CLASP2: variants seen among roughly 807,000 people sequenced by gnomAD.
The protein encoded by CLASP2 is cytoplasmic linker associated protein 2.
Under a neutral mutation model 194.4 loss-of-function variants are expected in CLASP2, and 47 were observed. The ratio of observed to expected loss-of-function variants is 0.24; its 90% CI spans 0.19 to 0.31. CLASP2 has a LOEUF of 0.31. Ranked by LOEUF, CLASP2 falls within the 10% of genes least tolerant of loss-of-function variation. The probability of loss-of-function intolerance (pLI) is 1.00; values close to 1 mark genes in which losing one functional copy is unlikely to be tolerated. For missense variants in CLASP2, 1,445 were observed against 1,823.6 expected (o/e 0.79, Z 3.78); for synonymous variants, 619 against 633.5 (o/e 0.98, Z 0.34).
intron 12 of CLASP2, among the ~76,000 whole-genome samples, chr3:33,618,206 C>T (rs1053972730): frequency 6.6e-6 from 1 of 151,832 alleles, no homozygotes; most frequent in South Asian, 2.1e-4. Context: ...CCTTGGCCTC[C>T]CAAAGTGCTG....
At chr3:33,544,212 AACTT>A (rs1285184608) in intron 31 of CLASP2, among the ~76,000 whole-genome samples, 18 of 152,206 alleles carry the variant, frequency 1.2e-4, no homozygotes, top group Admixed American at 1.2e-3. Flanking sequence ...ATTTACTCAG[AACTT>A]ACTTCTTCAA....
chr3:33,572,970 T>C, intron 25 of CLASP2, 140 bp downstream of exon 25: 11 of 916,720 alleles, frequency 1.2e-5, no homozygotes, highest in Non-Finnish European at 1.8e-5. Context: ...ACTGAAGCTT[T>C]GGAAAAACAC....
intron 8 of CLASP2, among the ~76,000 whole-genome samples, chr3:33,635,988 G>C (rs539778986): frequency 6.6e-6 from 1 of 152,276 alleles, no homozygotes; most frequent in Admixed American, 6.5e-5. Context: ...AAAAAAATCA[G>C]AGGAAACTGT....
intron 31 of CLASP2, 37 bp from the exon 32 acceptor site, chr3:33,543,576 A>T (rs1459086025): frequency 1.5e-6 from 2 of 1,297,786 alleles, no homozygotes; most frequent in South Asian, 2.4e-5. Context: ...AACATATTAC[A>T]GGTAAGTTCA....
chr3:33,596,661 A>C, intron 19 of CLASP2, 50 bp downstream of exon 19: 2 of 1,318,154 alleles, frequency 1.5e-6, no homozygotes, highest in South Asian at 2.6e-5. Flanking sequence ...ATTATATAGA[A>C]TCCAGGTTCC....
chr3:33,545,936 C>T (rs1383732439), intron 30 of CLASP2, among the ~76,000 whole-genome samples: 1 of 151,392 alleles, frequency 6.6e-6, no homozygotes, highest in Non-Finnish European at 1.5e-5. Flanking sequence ...GTGTTATGAG[C>T]ACATTTTGTT....
chr3:33,555,256 C>A (rs1430590270), intron 29 of CLASP2, among the ~76,000 whole-genome samples: 3 of 151,634 alleles, frequency 2.0e-5, no homozygotes, highest in Admixed American at 6.6e-5. Flanking sequence ...TGCAAAAAAA[C>A]AAAAGTTGAC....
At chr3:33,660,042 C>G (rs766804584) in intron 7 of CLASP2, among the ~76,000 whole-genome samples, 1 of 152,200 alleles carries the variant, frequency 6.6e-6, no homozygotes, top group Non-Finnish European at 1.5e-5. Flanking sequence ...AAATACTTTA[C>G]TAATGATTGC....
intron 9 of CLASP2, chr3:33,627,331 A>G (rs2078234290): frequency 7.1e-6 from 3 of 420,814 alleles, no homozygotes; most frequent in Non-Finnish European, 1.3e-5. Flanking sequence ...AATGCTTTGT[A>G]ATTTTAAAAA....
chr3:33,636,842 C>A (rs2080237179), intron 8 of CLASP2, among the ~76,000 whole-genome samples: 1 of 152,324 alleles, frequency 6.6e-6, no homozygotes, highest in East Asian at 1.9e-4. Context: ...CTCAAGTGAT[C>A]CACCCACCTT....
chr3:33,669,687 C>T (rs1438679454), intron 6 of CLASP2, among the ~76,000 whole-genome samples: 1 of 151,878 alleles, frequency 6.6e-6, no homozygotes. Context: ...TATTTGTAAT[C>T]AGAAAAATGC....
At chr3:33,507,608 A>G (rs1049539317) in intron 37 of CLASP2, among the ~76,000 whole-genome samples, 2 of 152,060 alleles carry the variant, frequency 1.3e-5, no homozygotes, top group African/African-American at 4.8e-5. Flanking sequence ...CAGCCCCCCA[A>G]GTAGCTGGGA....
At chr3:33,713,448 T>C (rs894817060) in intron 1 of CLASP2, among the ~76,000 whole-genome samples, 2 of 152,138 alleles carry the variant, frequency 1.3e-5, no homozygotes, top group Non-Finnish European at 2.9e-5. Context: ...GTAAATGGAA[T>C]AGGCAACATC....
At chr3:33,614,419 TAAAGA>T (rs1389587186) in intron 12 of CLASP2, among the ~76,000 whole-genome samples, 2 of 152,144 alleles carry the variant, frequency 1.3e-5, no homozygotes, top group African/African-American at 2.4e-5. Flanking sequence ...AAGTACTAAA[TAAAGA>T]AAAGATCCAT....
At chr3:33,519,959 G>T (rs1306819170) in intron 34 of CLASP2, among the ~76,000 whole-genome samples, 1 of 152,166 alleles carries the variant, frequency 6.6e-6, no homozygotes, top group Non-Finnish European at 1.5e-5. Context: ...ACAAGGGAGT[G>T]ATCCTGATAA....
intron 37 of CLASP2, among the ~76,000 whole-genome samples, chr3:33,507,629 A>G (rs1474033111): frequency 4.6e-5 from 7 of 152,038 alleles, no homozygotes; most frequent in African/African-American, 1.7e-4. Flanking sequence ...CTACAGGCAC[A>G]TGCCATCACG....
At chr3:33,645,130 C>T (rs1188061467) in intron 7 of CLASP2, 38 of 685,076 alleles carry the variant, frequency 5.5e-5, no homozygotes, top group Non-Finnish European at 2.6e-6. Flanking sequence ...CTTACTTATA[C>T]ATATTAAGTC....
chr3:33,657,850 G>A (rs1240037494), intron 7 of CLASP2, among the ~76,000 whole-genome samples: 1 of 151,982 alleles, frequency 6.6e-6, no homozygotes, highest in African/African-American at 2.4e-5. Context: ...TGATATATTT[G>A]TATCCTATCT....
At position 33,498,622 on chromosome 3, in the gene CLASP2, T is replaced by C. The variant is rs774602926; in HGVS notation, c.*9A>G. 1 of 1,596,812 alleles carries C rather than the reference T, an allele frequency of 6.3e-7. No individual in the cohort carries two copies. The highest frequency in any genetic ancestry group is 8.6e-7 in the Non-Finnish European group (1 of 1,166,058). ...TTTTGAGAGACCTGGTTCGCTGTGA[T>C]GAGCTTCACTAACTTTGTCCAGAAA... On this transcript the variant is annotated 3_prime_UTR_variant, in exon 39 of 39. Transcript: ENST00000682230.
Sources: gnomAD v4.1 joint callset for allele counts (sites outside exome capture counted in the v4.1 genomes callset) on GRCh38, gnomAD v4.1.1 for gene constraint, MANE v1.5 for transcripts, NCBI Gene and HGNC (gene_info 2026-07-23, HGNC 2026-07-21) for gene names.